Variants in TPRKB observed in about 807,000 individuals in gnomAD.
TPRKB encodes the protein TP53RK binding protein.
Under a neutral mutation model 17.8 loss-of-function variants are expected in TPRKB, and 11 were observed. The observed-to-expected ratio is 0.62, with a 90% CI of 0.39 to 1.02. TPRKB has a LOEUF of 1.02. Among genes scored for constraint, TPRKB ranks in the 50% least tolerant of loss-of-function variants. The pLI, the probability that TPRKB is intolerant of heterozygous loss-of-function variation, is 0.00. For missense variants in TPRKB, 228 were observed against 198.0 expected (o/e 1.15, Z -0.91); for synonymous variants, 71 against 69.5 (o/e 1.02, Z -0.11).
chr2:73,734,828 G>C (rs955331024), intron 1 of TPRKB, among the ~76,000 whole-genome samples: 5 of 152,242 alleles, frequency 3.3e-5, no homozygotes, highest in South Asian at 2.1e-4. Flanking sequence ...TGTTTGTTCA[G>C]ATGAGGCAGG....
intron 1 of TPRKB, 48 bp from the exon 2 acceptor site, chr2:73,734,639 T>G: frequency 1.4e-6 from 2 of 1,433,640 alleles, no homozygotes; most frequent in Non-Finnish European, 1.9e-6. Flanking sequence ...AAAGTTAACA[T>G]CAGAACTCAT....
intron 2 of TPRKB, 151 bp from the exon 3 acceptor site, chr2:73,732,436 G>T: frequency 1.1e-6 from 1 of 908,352 alleles, no homozygotes; most frequent in Non-Finnish European, 1.6e-6. Flanking sequence ...TCCCGGCTGG[G>T]CACGGTGGCT....
intron 2 of TPRKB, 151 bp downstream of exon 2, chr2:73,734,278 T>C: frequency 1.5e-6 from 1 of 675,138 alleles, no homozygotes; most frequent in Non-Finnish European, 2.3e-6. Flanking sequence ...TTTGTATTTT[T>C]AGTTGAGACA....
At chr2:73,732,393 C>A in intron 2 of TPRKB, 108 bp from the exon 3 acceptor site, 1 of 1,231,220 alleles carries the variant, frequency 8.1e-7, no homozygotes. Flanking sequence ...TACTTCATCA[C>A]AATTCTTACG....
intron 2 of TPRKB, 199 bp from the exon 3 acceptor site, chr2:73,732,484 G>A: frequency 1.8e-6 from 1 of 546,838 alleles, no homozygotes; most frequent in South Asian, 2.3e-5. Flanking sequence ...GGCCAAGGTG[G>A]GTAGATCACC....
chr2:73,729,894 A>G lies in TPRKB; in HGVS notation c.*49T>C, dbSNP rs747097398. 8 of 1,457,974 alleles carry G rather than the reference A, an allele frequency of 5.5e-6. No homozygotes were observed. Among genetic ancestry groups the G allele is most frequent in the Non-Finnish European group, 5.5e-6 (6 of 1,087,786 alleles). The allele number at this position is 1,457,974 out of a possible 1,614,324, so 90.3% of individuals were successfully genotyped here. On this transcript the variant is annotated 3_prime_UTR_variant, in exon 5 of 5. Transcript: ENST00000272424. ...TTAGTTTTATAGTCAGGAAAGGAAAATCAATGTTTTCTTTAATGCTGAGAA... is the reference window on the plus strand; with the variant it reads ...TTAGTTTTATAGTCAGGAAAGGAAAGTCAATGTTTTCTTTAATGCTGAGAA...
intron 1 of TPRKB, among the ~76,000 whole-genome samples, chr2:73,736,896 CAA>C (rs1370712997): frequency 6.6e-6 from 1 of 152,170 alleles, no homozygotes; most frequent in Non-Finnish European, 1.5e-5. Context: ...TCTCTAAGCT[CAA>C]GTCACCAACC....
chr2:73,737,088 T>G (rs1344661200), intron 1 of TPRKB, among the ~76,000 whole-genome samples: 1 of 152,160 alleles, frequency 6.6e-6, no homozygotes, highest in African/African-American at 2.4e-5. Flanking sequence ...ATCACAACTC[T>G]GAAGAATCCT....
intron 2 of TPRKB, among the ~76,000 whole-genome samples, chr2:73,733,145 TGCAGTAA>T (rs1287318928): frequency 1.3e-5 from 2 of 152,046 alleles, no homozygotes; most frequent in Non-Finnish European, 2.9e-5. Flanking sequence ...ATGCTAGGAA[TGCAGTAA>T]GCACTATATA....
chr2:73,734,597 C>A lies in TPRKB; in HGVS notation c.-22-6G>T, dbSNP rs762483498. The A allele has an allele frequency of 9.0e-6, 14 of 1,563,460 alleles. No individual in the cohort carries two copies. Among genetic ancestry groups the A allele is most frequent in the Non-Finnish European group, 1.1e-5 (13 of 1,160,298 alleles). On this transcript the variant is annotated splice_region_variant and splice_polypyrimidine_tract_variant and intron_variant, in intron 1 of 4. Coordinates refer to ENST00000272424, the MANE Select transcript of TPRKB (RefSeq NM_016058.5). The stretch of plus-strand genomic sequence containing the variant: ...CACAGATAAGCAGGATTCTACTGCA[C>A]ACAAAATGAAAAGACCAAAAGATTT...
rs555182449 is a variant in TPRKB, at chr2:73,733,698, T to G, written c.141+731A>C. ...CCTCTATTCACTGTTATAGTCAAAGTTGGCTGCATCTGACTTGGACAAGAA... is the reference window on the plus strand; with the variant it reads ...CCTCTATTCACTGTTATAGTCAAAGGTGGCTGCATCTGACTTGGACAAGAA... On this transcript the variant is annotated intron_variant, in intron 2 of 4. Transcript: ENST00000272424. 1.1e-3 allele frequency among the ~76,000 whole-genome samples: 170 copies of G among 152,294 alleles called. 1 individual carries two copies. Among genetic ancestry groups the G allele is most frequent in the African/African-American group, 3.5e-3 (144 of 41,550 alleles).
intron 2 of TPRKB, among the ~76,000 whole-genome samples, chr2:73,733,246 G>GTTTTT (rs3076394): frequency 0.014 from 1,658 of 119,072 alleles, 185 homozygotes; most frequent in Non-Finnish European, 0.019. Flanking sequence ...CGTGTGCCCT[G>GTTTTT]TTTTTTTGTT....
At chr2:73,732,435 G>C in intron 2 of TPRKB, 150 bp from the exon 3 acceptor site, 1 of 906,852 alleles carries the variant, frequency 1.1e-6, no homozygotes, top group Non-Finnish European at 1.6e-6. Flanking sequence ...ATCCCGGCTG[G>C]GCACGGTGGC....
chr2:73,734,349 T>G, intron 2 of TPRKB, 80 bp downstream of exon 2: 2 of 1,441,108 alleles, frequency 1.4e-6, no homozygotes, highest in Non-Finnish European at 1.9e-6. Context: ...TCCACCCGCC[T>G]CGGCCTCCTA....
At chr2:73,735,873 C>T (rs1405647608) in intron 1 of TPRKB, among the ~76,000 whole-genome samples, 1 of 152,118 alleles carries the variant, frequency 6.6e-6, no homozygotes, top group Non-Finnish European at 1.5e-5. Flanking sequence ...ATAAGATGTT[C>T]CTCTCATTAT....
chr2:73,730,707 G>T lies in TPRKB; in HGVS notation c.294C>A (p.Ile98=). Residue 98 remains isoleucine, a synonymous_variant, in exon 4 of 5, where the codon ATC becomes ATA. Transcript: ENST00000272424. The stretch of plus-strand genomic sequence containing the variant: ...TTAGAATTGAAGTGTCATTTGCTGA[G>T]ATACCAAATTTTTTCAAAGCCTCTG... The part of the protein sequence containing the change: ...NISEALKKFG[I]SANDTSILIV... 6.7e-7 allele frequency: 1 copy of T among 1,500,150 alleles called. No homozygotes were observed. The highest frequency in any genetic ancestry group is 8.8e-7 in the Non-Finnish European group (1 of 1,132,376). The allele number at this position is 1,500,150 out of a possible 1,614,324, so 92.9% of individuals were successfully genotyped here.
intron 2 of TPRKB, among the ~76,000 whole-genome samples, chr2:73,733,285 C>T (rs1671720656): frequency 8.1e-6 from 1 of 122,892 alleles, no homozygotes; most frequent in African/African-American, 2.9e-5. Context: ...CAGACAGAGT[C>T]TCTCGCTCCA....
At chr2:73,733,246 G>GTTTTTTTTTTTTTTTTTTTTTTTTTTT (rs3076394) in intron 2 of TPRKB, among the ~76,000 whole-genome samples, 1 of 119,378 alleles carries the variant, frequency 8.4e-6, no homozygotes. Context: ...CGTGTGCCCT[G>GTTTTTTTTTTTTTTTTTTTTTTTTTTT]TTTTTTTGTT....
intron 1 of TPRKB, among the ~76,000 whole-genome samples, chr2:73,735,940 T>C (rs1251183700): frequency 6.6e-6 from 1 of 152,218 alleles, no homozygotes; most frequent in Non-Finnish European, 1.5e-5. Context: ...TTAGTTGTTA[T>C]TTAACAACCA....
Sources: allele counts gnomAD v4.1 joint callset (sites outside exome capture counted in the v4.1 genomes callset), GRCh38; gene constraint gnomAD v4.1.1; transcripts MANE v1.5; gene names NCBI Gene and HGNC (gene_info 2026-07-23, HGNC 2026-07-21).